The following SPOCK1 variants were observed in gnomAD, a reference collection of about 807,000 sequenced individuals.
SPOCK1 encodes testican-1.
In SPOCK1, 23 loss-of-function variants were observed where a neutral mutation model predicts 55.3. That is an observed-to-expected ratio of 0.42 (90% confidence interval 0.30 to 0.59). The LOEUF (loss-of-function observed/expected upper bound fraction) is 0.59, where lower values mean the gene tolerates loss of function less well. SPOCK1 is among the 20% of genes least tolerant of loss of function. The pLI, the probability that SPOCK1 is intolerant of heterozygous loss-of-function variation, is 0.22. For missense variants in SPOCK1, 499 were observed against 552.5 expected (o/e 0.90, Z 0.97); for synonymous variants, 226 against 221.0 (o/e 1.02, Z -0.20).
At chr5:137,142,679 C>T (rs536386148) in intron 3 of SPOCK1, among the ~76,000 whole-genome samples, 13 of 152,254 alleles carry the variant, frequency 8.5e-5, no homozygotes, top group Non-Finnish European at 8.8e-5. Context: ...AAGCTGAAGG[C>T]AACCTCTGCA....
intron 2 of SPOCK1, among the ~76,000 whole-genome samples, chr5:137,318,444 G>A (rs1474130050): frequency 6.6e-6 from 1 of 152,126 alleles, no homozygotes; most frequent in Non-Finnish European, 1.5e-5. Flanking sequence ...AGCACTGAGG[G>A]ACCACCTGAT....
chr5:137,245,591 G>A (rs143681640), intron 3 of SPOCK1, among the ~76,000 whole-genome samples: 62 of 152,246 alleles, frequency 4.1e-4, no homozygotes, highest in African/African-American at 1.3e-3. Flanking sequence ...AGGTCCAGAT[G>A]AAAGTGCCCA....
chr5:137,443,213 G>C (rs1753054842), intron 2 of SPOCK1, among the ~76,000 whole-genome samples: 1 of 152,148 alleles, frequency 6.6e-6, no homozygotes, highest in Non-Finnish European at 1.5e-5. Flanking sequence ...CAAGACTGTT[G>C]CAGATTTACA....
chr5:137,364,989 G>A (rs1219204117), intron 2 of SPOCK1: 1 of 152,260 alleles, frequency 6.6e-6, no homozygotes, highest in Non-Finnish European at 1.5e-5. Flanking sequence ...GTCCCAGATG[G>A]AATGTGAGCT....
At chr5:137,267,927 A>C (rs1475108951) in intron 2 of SPOCK1, among the ~76,000 whole-genome samples, 1 of 152,208 alleles carries the variant, frequency 6.6e-6, no homozygotes, top group Non-Finnish European at 1.5e-5. Context: ...AGCATCTTTA[A>C]GGATTTGTCC....
At chr5:137,183,273 A>G (rs558129340) in intron 3 of SPOCK1, among the ~76,000 whole-genome samples, 4 of 152,294 alleles carry the variant, frequency 2.6e-5, no homozygotes, top group Admixed American at 2.6e-4. Context: ...CATGGTATGA[A>G]GCAACATGCA....
In SPOCK1 at chr5:137,175,255, T is replaced by C. The variant is rs76326041; in HGVS notation, c.233-34561A>G. On this transcript the variant is annotated intron_variant, in intron 3 of 10. Coordinates refer to ENST00000394945, the MANE Select transcript of SPOCK1 (RefSeq NM_004598.4). Reference sequence around the variant, plus strand: ...GTACAAGACATGTAGAAACTGTGGGTAGTAAAACCATGTGATCAAAGGACC... The same window carrying C: ...GTACAAGACATGTAGAAACTGTGGGCAGTAAAACCATGTGATCAAAGGACC... Among the ~76,000 whole-genome samples the C allele has an allele frequency of 3.2e-3, 494 of 152,184 alleles. 3 individuals are homozygous for C. The highest frequency in any genetic ancestry group is 5.2e-3 in the Non-Finnish European group (353 of 68,004).
intron 5 of SPOCK1, among the ~76,000 whole-genome samples, chr5:137,100,883 A>G (rs1753248506): frequency 6.6e-6 from 1 of 152,030 alleles, no homozygotes; most frequent in Non-Finnish European, 1.5e-5. Flanking sequence ...GGGAAAAAAA[A>G]AAAAAGAAAA....
At chr5:137,120,662 A>T (rs1753667929) in intron 4 of SPOCK1, among the ~76,000 whole-genome samples, 1 of 152,246 alleles carries the variant, frequency 6.6e-6, no homozygotes, top group African/African-American at 2.4e-5. Context: ...GATTGAGGAC[A>T]TGAAACAGAA....
intron 3 of SPOCK1, among the ~76,000 whole-genome samples, chr5:137,161,363 C>T (rs1754554723): frequency 6.6e-6 from 1 of 151,744 alleles, no homozygotes; most frequent in South Asian, 2.1e-4. Context: ...AAACCTAATG[C>T]TTTACACAAA....
chr5:137,351,880 A>C (rs962644506), intron 2 of SPOCK1, among the ~76,000 whole-genome samples: 1 of 152,230 alleles, frequency 6.6e-6, no homozygotes, highest in East Asian at 1.9e-4. Flanking sequence ...AGGAGCATGA[A>C]TCCCAGCTCA....
intron 7 of SPOCK1, among the ~76,000 whole-genome samples, chr5:136,991,416 C>G (rs1377062210): frequency 6.6e-6 from 1 of 151,984 alleles, no homozygotes; most frequent in Non-Finnish European, 1.5e-5. Flanking sequence ...CTCTAGAAGG[C>G]TATGAGCAGC....
chr5:137,240,871 A>C (rs1161567167), intron 3 of SPOCK1, among the ~76,000 whole-genome samples: 3 of 152,202 alleles, frequency 2.0e-5, no homozygotes, highest in African/African-American at 7.2e-5. Flanking sequence ...ACTATAAGAC[A>C]AACAAATAGA....
intron 4 of SPOCK1, among the ~76,000 whole-genome samples, chr5:137,128,236 C>A (rs922367041): frequency 6.6e-6 from 1 of 152,164 alleles, no homozygotes; most frequent in Non-Finnish European, 1.5e-5. Flanking sequence ...GTACCCTGAC[C>A]TTGGATTTTC....
intron 8 of SPOCK1, among the ~76,000 whole-genome samples, chr5:136,987,631 T>A (rs1750868999): frequency 1.3e-5 from 2 of 152,184 alleles, no homozygotes; most frequent in African/African-American, 4.8e-5. Flanking sequence ...CGTTTTTTGT[T>A]GTGTGTGTAT....
At chr5:137,483,556 C>T (rs1753992860) in intron 2 of SPOCK1, among the ~76,000 whole-genome samples, 1 of 152,154 alleles carries the variant, frequency 6.6e-6, no homozygotes, top group Non-Finnish European at 1.5e-5. Flanking sequence ...TACCTTCATC[C>T]AGCTGGACTA....
chr5:137,160,619 A>AT (rs1399343347), intron 3 of SPOCK1, among the ~76,000 whole-genome samples: 2 of 84,542 alleles, frequency 2.4e-5, no homozygotes, highest in Non-Finnish European at 4.2e-5. Flanking sequence ...TATATAATAT[A>AT]TATTTTATAT....
intron 2 of SPOCK1, among the ~76,000 whole-genome samples, chr5:137,276,622 T>C (rs1199973939): frequency 5.9e-5 from 9 of 152,254 alleles, no homozygotes; most frequent in Non-Finnish European, 1.2e-4. Context: ...TGCCAGTATC[T>C]TGGACTGCAG....
intron 5 of SPOCK1, among the ~76,000 whole-genome samples, chr5:137,071,582 G>C (rs1165773702): frequency 6.6e-6 from 1 of 152,128 alleles, no homozygotes; most frequent in Non-Finnish European, 1.5e-5. Flanking sequence ...ATGTATCAAA[G>C]ACTTTATGAT....
Sources: allele counts gnomAD v4.1 joint callset (sites outside exome capture counted in the v4.1 genomes callset), GRCh38; gene constraint gnomAD v4.1.1; transcripts MANE v1.5; gene names NCBI Gene and HGNC (gene_info 2026-07-23, HGNC 2026-07-21).